CAST: variants seen among roughly 807,000 people sequenced by gnomAD.
CAST encodes calpastatin.
A neutral mutation model predicts 119.6 loss-of-function variants in CAST; 76 were observed. The observed-to-expected ratio is 0.64, with a 90% CI of 0.53 to 0.77. The LOEUF (loss-of-function observed/expected upper bound fraction) is 0.77, where lower values mean the gene tolerates loss of function less well. Ranked by LOEUF, CAST falls within the 30% of genes least tolerant of loss-of-function variation. The probability of loss-of-function intolerance (pLI) is 0.00; values close to 1 mark genes in which losing one functional copy is unlikely to be tolerated. For synonymous variants in CAST, 319 were observed against 331.6 expected, an observed-to-expected ratio of 0.96 and a Z score of 0.41; for missense variants, 953 against 946.5, an observed-to-expected ratio of 1.01 and a Z score of -0.09.
chr5:96,746,798 T>C (rs1763851953), intron 17 of CAST, among the ~76,000 whole-genome samples: 1 of 152,204 alleles, frequency 6.6e-6, no homozygotes, highest in South Asian at 2.1e-4. Context: ...TGCACGAGGG[T>C]TTACCAGTAT....
the CAST span, among the ~76,000 whole-genome samples, chr5:96,071,035 C>A: frequency 6.6e-6 from 1 of 152,042 alleles, no homozygotes; most frequent in African/African-American, 2.4e-5. Context: ...GACTAAAGGG[C>A]ACTGGATTCC....
intron 1 of CAST, among the ~76,000 whole-genome samples, chr5:96,550,316 G>A (rs1290820678): frequency 1.3e-5 from 2 of 152,226 alleles, no homozygotes; most frequent in African/African-American, 2.4e-5. Flanking sequence ...ACCTGCAGCT[G>A]AGGGGCCTGT....
the CAST span, among the ~76,000 whole-genome samples, chr5:96,096,056 GA>G: frequency 6.6e-6 from 1 of 152,134 alleles, no homozygotes. Flanking sequence ...AGGCCACAGT[GA>G]AAGACCTAAC....
At position 96,561,796 on chromosome 5, in the gene CAST, G is replaced by GTTTTTTTTGTT. The variant is rs1746371485; in HGVS notation, c.60+31924_60+31925insGTTTTTTTTTT. 1.3e-4 allele frequency among the ~76,000 whole-genome samples: 13 copies of GTTTTTTTTGTT among 97,400 alleles called. 1 individual carries two copies. Among genetic ancestry groups the GTTTTTTTTGTT allele is most frequent in the African/African-American group, 4.6e-4 (12 of 26,028 alleles). 63.9% of individuals were successfully genotyped at this position (97,400 alleles called of 152,430 possible). On this transcript the variant is annotated intron_variant, in intron 1 of 11. Transcript: ENST00000505143. Reference sequence around the variant, plus strand: ...GTGTATTATATATATGTTTTTTTTTGTTTTTTTTTTTTTTGAGACGGAGTC... The same window carrying GTTTTTTTTGTT: ...GTGTATTATATATATGTTTTTTTTTGTTTTTTTTGTTTTTTTTTTTTTTTTGAGACGGAGTC...
At chr5:96,370,348 G>T in the CAST span, among the ~76,000 whole-genome samples, 1 of 152,072 alleles carries the variant, frequency 6.6e-6, no homozygotes, top group African/African-American at 2.4e-5. Flanking sequence ...ATTTCTAGGA[G>T]TAAGAGAGAC....
the CAST span, among the ~76,000 whole-genome samples, chr5:96,010,659 C>G: frequency 1.3e-5 from 2 of 152,174 alleles, no homozygotes; most frequent in South Asian, 2.1e-4. Flanking sequence ...GGTAGTTTGA[C>G]AGGAATAGCA....
chr5:96,011,550 T>C, the CAST span, among the ~76,000 whole-genome samples: 1 of 152,176 alleles, frequency 6.6e-6, no homozygotes, highest in Non-Finnish European at 1.5e-5. Context: ...AGGAATATGT[T>C]GTGTCCTGTT....
chr5:96,189,120 A>C, the CAST span, among the ~76,000 whole-genome samples: 7 of 152,084 alleles, frequency 4.6e-5, no homozygotes, highest in East Asian at 1.3e-3. Context: ...TGTTGCTTCT[A>C]TGTCTGCTAT....
the CAST span, among the ~76,000 whole-genome samples, chr5:96,339,791 C>A: frequency 6.6e-6 from 1 of 151,984 alleles, no homozygotes; most frequent in Admixed American, 6.6e-5. Flanking sequence ...GCAGGTAGAG[C>A]GAGTAGTTGA....
chr5:96,572,408 C>A (rs943236117), intron 1 of CAST, among the ~76,000 whole-genome samples: 2 of 152,138 alleles, frequency 1.3e-5, no homozygotes, highest in African/African-American at 4.8e-5. Flanking sequence ...GCCATGTTGG[C>A]CAGGCTGGTC....
At chr5:96,584,179 C>A (rs1027445805) in intron 1 of CAST, among the ~76,000 whole-genome samples, 3 of 152,134 alleles carry the variant, frequency 2.0e-5, no homozygotes, top group Admixed American at 1.3e-4. Context: ...GATGATCAGG[C>A]ATTTGTTAAG....
chr5:96,387,649 T>C, the CAST span, among the ~76,000 whole-genome samples: 2 of 152,184 alleles, frequency 1.3e-5, no homozygotes, highest in Non-Finnish European at 2.9e-5. Context: ...CAAATGATAC[T>C]CTTTTCTATG....
At chr5:96,347,940 C>G in the CAST span, among the ~76,000 whole-genome samples, 3 of 152,126 alleles carry the variant, frequency 2.0e-5, no homozygotes, top group Non-Finnish European at 4.4e-5. Context: ...GCCCTCCCTA[C>G]AAAACCCCCA....
the CAST span, among the ~76,000 whole-genome samples, chr5:96,144,491 T>C: frequency 2.2e-4 from 33 of 152,346 alleles, no homozygotes; most frequent in African/African-American, 7.7e-4. Flanking sequence ...CTAAGGTTTG[T>C]ATCCCAATTG....
chr5:96,357,630 C>T, the CAST span, among the ~76,000 whole-genome samples: 1 of 152,084 alleles, frequency 6.6e-6, no homozygotes, highest in Non-Finnish European at 1.5e-5. Context: ...TGATGGATTA[C>T]ATGTATTGAT....
chr5:96,545,938 A>C (rs1746002842), intron 1 of CAST, among the ~76,000 whole-genome samples: 1 of 152,190 alleles, frequency 6.6e-6, no homozygotes, highest in Non-Finnish European at 1.5e-5. Context: ...CTTCTTTGTC[A>C]CCAGTTTCTC....
the CAST span, among the ~76,000 whole-genome samples, chr5:96,217,590 T>C: frequency 2.0e-5 from 3 of 152,170 alleles, no homozygotes; most frequent in African/African-American, 7.2e-5. Flanking sequence ...ATAGTTTACT[T>C]CTGGATCACA....
chr5:96,660,389 A>G (rs1157497304), upstream of CAST, among the ~76,000 whole-genome samples: 1 of 152,252 alleles, frequency 6.6e-6, no homozygotes, highest in Non-Finnish European at 1.5e-5. Context: ...AACTTCAGCT[A>G]AACTGTCAGT....
At chr5:96,389,465 T>C in the CAST span, among the ~76,000 whole-genome samples, 1 of 152,210 alleles carries the variant, frequency 6.6e-6, no homozygotes, top group Non-Finnish European at 1.5e-5. Flanking sequence ...CTTCTGGAAT[T>C]TCTGAAAGAT....
Sources: gnomAD v4.1 joint callset for allele counts (sites outside exome capture counted in the v4.1 genomes callset) on GRCh38, gnomAD v4.1.1 for gene constraint, MANE v1.5 for transcripts, NCBI Gene and HGNC (gene_info 2026-07-23, HGNC 2026-07-21) for gene names.